The following SAP30 variants were observed in gnomAD, a reference collection of about 807,000 sequenced individuals.
SAP30 encodes the protein histone deacetylase complex subunit SAP30.
SAP30 carries 13 observed loss-of-function variants against 19.6 expected under a neutral mutation model. The ratio of observed to expected loss-of-function variants is 0.66; its 90% confidence interval spans 0.43 to 1.05. SAP30 has a LOEUF of 1.05. Ranked by LOEUF, SAP30 falls within the 50% of genes least tolerant of loss-of-function variation. SAP30 has a pLI of 0.00. For synonymous variants in SAP30, 108 were observed against 122.7 expected (o/e 0.88, Z 0.79); for missense variants, 257 against 292.1 (o/e 0.88, Z 0.88).
chr4:173,377,505 C>A lies in SAP30; in HGVS notation c.*178C>A, dbSNP rs1434771522. The A allele has an allele frequency of 1.6e-5, 8 of 514,472 alleles. No homozygotes were observed. The highest frequency in any genetic ancestry group is 2.6e-5 in the Non-Finnish European group (8 of 309,930). 31.9% of individuals were successfully genotyped at this position (514,472 alleles called of 1,614,324 possible). A position where few individuals can be genotyped will look rare whatever the true frequency, so the allele number is the denominator to read the frequency against. ...TAAAATGAGCTTTCCTAAATTAAATCTATTTTAAATAAAGGTTATTACTAT... is the reference window on the plus strand; with the variant it reads ...TAAAATGAGCTTTCCTAAATTAAATATATTTTAAATAAAGGTTATTACTAT... On this transcript the variant is annotated 3_prime_UTR_variant, in exon 4 of 4. Transcript: ENST00000296504.
intron 1 of SAP30, among the ~76,000 whole-genome samples, chr4:173,373,073 C>A (rs1017064112): frequency 6.6e-6 from 1 of 152,130 alleles, no homozygotes; most frequent in South Asian, 2.1e-4. Context: ...CGTGAACCAC[C>A]GCGCCCAGCC....
Position 173,371,219 on chromosome 4 carries a change from G to A in SAP30, c.37G>A (p.Gly13Arg), listed in dbSNP as rs756483700. The stretch of plus-strand genomic sequence containing the variant: ...CACGCCTGACGAGATGAGCCGCGGC[G>A]GGGATGCGGCCGCCGCAGTGGCCGC... The part of the protein sequence containing the change: ...GFTPDEMSRG[G>R]DAAAAVAAVV... Residue 13 changes from glycine (G) to arginine (R), a missense_variant, in exon 1 of 4, where the codon GGG (glycine) becomes AGG (arginine). Gly to Arg is a moderately radical substitution (Grantham distance 125, BLOSUM62 -2). Coordinates refer to ENST00000296504, the MANE Select transcript of SAP30 (RefSeq NM_003864.4). The surrounding 1 kb of genome is among the most constrained non-coding windows in gnomAD (Gnocchi z 6.4). The A allele has an allele frequency of 2.0e-6, 3 of 1,475,616 alleles. No homozygotes were observed. The highest frequency in any genetic ancestry group is 2.4e-5 in the Admixed American group (1 of 42,456). 91.4% of individuals were successfully genotyped at this position (1,475,616 alleles called of 1,614,324 possible).
chr4:173,371,095 A>G lies in SAP30; in HGVS notation c.-88A>G. On this transcript the variant is annotated 5_prime_UTR_variant, in exon 1 of 4. Coordinates refer to ENST00000296504, the MANE Select transcript of SAP30 (RefSeq NM_003864.4). The surrounding 1 kb of genome is among the most constrained non-coding windows in gnomAD (Gnocchi z 6.4). ...TGCCGCTGTCTAACTTGGTGTGCAGAGTGAATTGCCGCTGCCGGAGCGGAG... is the reference window on the plus strand; with the variant it reads ...TGCCGCTGTCTAACTTGGTGTGCAGGGTGAATTGCCGCTGCCGGAGCGGAG... 1.5e-6 allele frequency: 2 copies of G among 1,328,296 alleles called. No homozygotes were observed. Among genetic ancestry groups the G allele is most frequent in the Non-Finnish European group, 1.9e-6 (2 of 1,028,122 alleles). The allele number at this position is 1,328,296 out of a possible 1,614,324, so 82.3% of individuals were successfully genotyped here. A position where few individuals can be genotyped will look rare whatever the true frequency, so the allele number is the denominator to read the frequency against.
chr4:173,372,068 C>T (rs909760448), intron 1 of SAP30, among the ~76,000 whole-genome samples: 5 of 152,366 alleles, frequency 3.3e-5, no homozygotes, highest in African/African-American at 4.8e-5. Context: ...ACGGCGTTTG[C>T]GCTGTCAGCT....
chr4:173,374,411 G>A (rs1346480816), intron 3 of SAP30, among the ~76,000 whole-genome samples: 1 of 152,096 alleles, frequency 6.6e-6, no homozygotes, highest in Non-Finnish European at 1.5e-5. Context: ...AAGTACCTGG[G>A]ACTTCAGGTG....
At chr4:173,374,416 C>G (rs542812007) in intron 3 of SAP30, among the ~76,000 whole-genome samples, 4 of 152,270 alleles carry the variant, frequency 2.6e-5, no homozygotes, top group Non-Finnish European at 1.5e-5. Context: ...CCTGGGACTT[C>G]AGGTGTGCAC....
At position 173,373,816 on chromosome 4, in the gene SAP30, A is replaced by AT. The variant is rs200501352; in HGVS notation, c.442-115dup. On this transcript the variant is annotated intron_variant, in intron 2 of 3. Transcript: ENST00000296504. ...ATGTTGGATTATATAAATTTTTTAA[A>AT]TTTTTTTTGATTTTGGAAGTAAATT... The AT allele has an allele frequency of 9.3e-3, 3,605 of 387,130 alleles. 107 individuals carry two copies. The African/African-American group carries it at 0.11, about 11-fold the overall frequency. The allele number at this position is 387,130 out of a possible 1,614,324, so 24.0% of individuals were successfully genotyped here.
intron 3 of SAP30, among the ~76,000 whole-genome samples, chr4:173,376,516 G>A (rs960792737): frequency 3.3e-5 from 5 of 152,154 alleles, no homozygotes; most frequent in African/African-American, 9.7e-5. Context: ...GTTTAATGAT[G>A]CATGTGATCT....
At position 173,371,454 on chromosome 4, in the gene SAP30, A is replaced by G; in HGVS notation, c.272A>G (p.Lys91Arg). ...GCCAGCTTCAGCAAGAGGATCCAGA[A>G]GAGCATCTCCCAGAAGAAGGTGAAG... The part of the protein sequence containing the change: ...GNASFSKRIQ[K>R]SISQKKVKIE... The change falls in exon 1 of 4, where the codon AAG (lysine) becomes AGG (arginine). Residue 91 changes from lysine to arginine, a missense_variant. Coordinates refer to ENST00000296504, the MANE Select transcript of SAP30 (RefSeq NM_003864.4). The surrounding 1 kb of genome is among the most constrained non-coding windows in gnomAD (Gnocchi z 6.4). 2 of 1,590,864 alleles carry G rather than the reference A, an allele frequency of 1.3e-6. No homozygotes were observed. The highest frequency in any genetic ancestry group is 1.7e-6 in the Non-Finnish European group (2 of 1,175,092).
At chr4:173,373,318 A>G (rs1738980171) in intron 1 of SAP30, 72 bp from the exon 2 acceptor site, 3 of 1,347,630 alleles carry the variant, frequency 2.2e-6, no homozygotes, top group Non-Finnish European at 3.0e-6. Context: ...TCACTGTGGC[A>G]TATGTGTTTT....
rs754096920 is a variant in SAP30 at position 173,371,371 on chromosome 4, C to G, written c.189C>G (p.Pro63=). ...AGPPGAAGPG[P]GQLCCLREDG... is the part of the protein sequence containing the mutation. ...CCCCGGGGGCGGCCGGGCCGGGCCC[C>G]GGGCAACTGTGCTGCCTGCGGGAGG... Residue 63 remains proline, a synonymous_variant, in exon 1 of 4, where the codon CCC becomes CCG. Coordinates refer to ENST00000296504, the MANE Select transcript of SAP30 (RefSeq NM_003864.4). This position sits in a 1 kb window ranked among gnomAD's most constrained non-coding sequence, Gnocchi z 6.4. The G allele has an allele frequency of 2.6e-6, 4 of 1,534,878 alleles. No individual in the cohort carries two copies. In the South Asian group the frequency reaches 3.5e-5, roughly 13 times the overall value.
Position 173,371,556 on chromosome 4 carries a change from G to C in SAP30, c.315+59G>C. The C allele has an allele frequency of 6.5e-7, 1 of 1,546,758 alleles. No individual in the cohort carries two copies. The highest frequency in any genetic ancestry group is 8.7e-7 in the Non-Finnish European group (1 of 1,148,568). The stretch of plus-strand genomic sequence containing the variant: ...CCCCTCGGTGGGGCCCCAGGAGCCG[G>C]GCAAAGGCACGGGTTGTCGGCGGGG... On this transcript the variant is annotated intron_variant, in intron 1 of 3. Transcript: ENST00000296504. This position sits in a 1 kb window ranked among gnomAD's most constrained non-coding sequence, Gnocchi z 6.4.
intron 3 of SAP30, among the ~76,000 whole-genome samples, chr4:173,375,499 C>T (rs1036235052): frequency 2.6e-5 from 4 of 152,168 alleles, no homozygotes; most frequent in African/African-American, 9.6e-5. Flanking sequence ...TCAATAGGTA[C>T]TAATGGAGTG....
chr4:173,373,950 C>A lies in SAP30; in HGVS notation c.453C>A (p.Tyr151Ter). 3.9e-6 allele frequency: 6 copies of A among 1,553,074 alleles called. No homozygotes were observed. The highest frequency in any genetic ancestry group is 5.2e-6 in the Non-Finnish European group (6 of 1,143,036). ...TTAATTTTTTCTAGGTTGATTTATA[C>A]CAATTACAAGTAAATACACTTAGGA... ...QDIDTPEVDL[Y>*]QLQVNTLRRY... The change falls in exon 3 of 4, where the codon TAC becomes TAA. Residue 151 changes from tyrosine to a stop codon, truncating the protein, a stop_gained. Coordinates refer to ENST00000296504, the MANE Select transcript of SAP30 (RefSeq NM_003864.4). LOFTEE classifies it high-confidence loss of function.
At chr4:173,373,194 C>T (rs772347369) in intron 1 of SAP30, among the ~76,000 whole-genome samples, 196 bp from the exon 2 acceptor site, 87 of 152,176 alleles carry the variant, frequency 5.7e-4, no homozygotes, top group Non-Finnish European at 1.1e-3. Flanking sequence ...TCCCCATCCA[C>T]CATCCTTTTA....
chr4:173,374,721 A>G (rs780260996), intron 3 of SAP30, among the ~76,000 whole-genome samples: 29 of 152,184 alleles, frequency 1.9e-4, no homozygotes, highest in Non-Finnish European at 4.0e-4. Flanking sequence ...CCTTATTAGA[A>G]TTTATATTTT....
chr4:173,371,455 G>C lies in SAP30; in HGVS notation c.273G>C (p.Lys91Asn). The C allele has an allele frequency of 1.3e-6, 2 of 1,592,266 alleles. No homozygotes were observed. Among genetic ancestry groups the C allele is most frequent in the Non-Finnish European group, 1.7e-6 (2 of 1,175,952 alleles). Residue 91 changes from lysine (K) to asparagine (N), a missense_variant, in exon 1 of 4, where the codon AAG becomes AAC. By Grantham distance (94) the Lys-to-Asn change is moderately conservative. Coordinates refer to ENST00000296504, the MANE Select transcript of SAP30 (RefSeq NM_003864.4). The surrounding 1 kb of genome is among the most constrained non-coding windows in gnomAD (Gnocchi z 6.4). ...CCAGCTTCAGCAAGAGGATCCAGAA[G>C]AGCATCTCCCAGAAGAAGGTGAAGA... Reference protein sequence around the residue: ...GNASFSKRIQKSISQKKVKIE... With the variant: ...GNASFSKRIQNSISQKKVKIE...
In SAP30 at chr4:173,370,966, C is replaced by A. The variant is rs747828833; in HGVS notation, c.-217C>A. The A allele has an allele frequency of 7.3e-4, 211 of 290,538 alleles. No homozygotes were observed. The highest frequency in any genetic ancestry group is 1.1e-3 in the Middle Eastern group (1 of 880). 18.0% of individuals were successfully genotyped at this position (290,538 alleles called of 1,614,324 possible). A position where few individuals can be genotyped will look rare whatever the true frequency, so the allele number is the denominator to read the frequency against. ...GTCCCCATGTGACAGTGAGCGGGGTCCCCGCTCCAGGAGACGCTCGAGTCT... is the reference window on the plus strand; with the variant it reads ...GTCCCCATGTGACAGTGAGCGGGGTACCCGCTCCAGGAGACGCTCGAGTCT... On this transcript the variant is annotated 5_prime_UTR_variant, in exon 1 of 4. Transcript: ENST00000296504.
chr4:173,377,365 A>C lies in SAP30; in HGVS notation c.*38A>C, dbSNP rs1422979998. On this transcript the variant is annotated 3_prime_UTR_variant, in exon 4 of 4. Coordinates refer to ENST00000296504, the MANE Select transcript of SAP30 (RefSeq NM_003864.4). ...TGAGACTAATAACTTGGATGTTAAC[A>C]CTGTTTACTGTTTTTTCACATGTAG... 6 of 1,555,718 alleles carry C rather than the reference A, an allele frequency of 3.9e-6. No individual in the cohort carries two copies. Among genetic ancestry groups the C allele is most frequent in the Non-Finnish European group, 5.2e-6 (6 of 1,155,432 alleles).
Sources: allele counts gnomAD v4.1 joint callset (sites outside exome capture counted in the v4.1 genomes callset), GRCh38; gene constraint gnomAD v4.1.1; non-coding constraint Gnocchi (gnomAD v3.1); transcripts MANE v1.5; gene names NCBI Gene and HGNC (gene_info 2026-07-23, HGNC 2026-07-21).